The following LMF1 variants were observed in gnomAD, a reference collection of about 807,000 sequenced individuals.
LMF1 encodes transmembrane protein 112.
LMF1 carries 68 observed loss-of-function variants against 60.6 expected under a neutral mutation model. The ratio of observed to expected loss-of-function variants is 1.12; its 90% CI spans 0.92 to 1.37. The LOEUF (loss-of-function observed/expected upper bound fraction) is 1.37. Ranked by LOEUF, LMF1 falls within the 40% of genes most tolerant of loss-of-function variation. The pLI is 0.00. For synonymous variants in LMF1, 418 were observed against 324.7 expected, an observed-to-expected ratio of 1.29 and a Z score of -3.09; for missense variants, 948 against 767.2, an observed-to-expected ratio of 1.24 and a Z score of -2.78.
In LMF1 at chr16:854,407, T is replaced by A; in HGVS notation, c.*125A>T. The A allele has an allele frequency of 1.0e-6, 1 of 986,436 alleles. No individual in the cohort carries two copies. The allele number at this position is 986,436 out of a possible 1,614,324, so 61.1% of individuals were successfully genotyped here. A position where few individuals can be genotyped will look rare whatever the true frequency, so the allele number is the denominator to read the frequency against. On this transcript the variant is annotated 3_prime_UTR_variant, in exon 11 of 11. Coordinates refer to ENST00000262301, the MANE Select transcript of LMF1 (RefSeq NM_022773.4). ...CACCCTGGACCCCCGTGCTGGGGGC[T>A]GGGTCCCACCGCTCTCCTCTCCACG...
rs182119856 is a variant in LMF1 at position 922,301 on chromosome 16, G to A, written c.515-11222C>T. Among the ~76,000 whole-genome samples, 17 of 152,324 alleles carry A rather than the reference G, an allele frequency of 1.1e-4. No homozygotes were observed. In the East Asian group the frequency reaches 3.3e-3, roughly 29 times the overall value. On this transcript the variant is annotated intron_variant, in intron 3 of 10. Transcript: ENST00000262301. Reference sequence around the variant, plus strand: ...GGGAGAAGGCAGCCACCTCCCGAGGGGGGCCACAGAGGGGGTTCTGATCCA... The same window carrying A: ...GGGAGAAGGCAGCCACCTCCCGAGGAGGGCCACAGAGGGGGTTCTGATCCA...
chr16:945,217 A>G (rs986502335), intron 2 of LMF1, among the ~76,000 whole-genome samples: 5 of 148,664 alleles, frequency 3.4e-5, no homozygotes, highest in African/African-American at 1.0e-4. Context: ...ATCTCAAAAA[A>G]AAAAAAAAAA....
chr16:892,869 A>C, intron 5 of LMF1, 138 bp downstream of exon 5: 24 of 610,510 alleles, frequency 3.9e-5, no homozygotes, highest in Middle Eastern at 4.5e-4. Flanking sequence ...GAAGGGAGGG[A>C]GAGGACGTCC....
chr16:872,577 T>C (rs11867145), intron 6 of LMF1: 20,599 of 152,338 alleles, frequency 0.14, 4,332 homozygotes, highest in African/African-American at 0.45. Context: ...TCCCCTCCGC[T>C]GGTCCAGACC....
intron 5 of LMF1, among the ~76,000 whole-genome samples, chr16:891,172 C>T (rs531013814): frequency 3.2e-4 from 48 of 152,336 alleles, no homozygotes; most frequent in Non-Finnish European, 5.0e-4. Flanking sequence ...TGGGCCCCCC[C>T]GGCCCGCCTC....
chr16:939,403 G>C (rs913205601), intron 2 of LMF1, among the ~76,000 whole-genome samples: 1 of 152,206 alleles, frequency 6.6e-6, no homozygotes, highest in African/African-American at 2.4e-5. Flanking sequence ...GGCCACCGAG[G>C]TGCCACTTCC....
intron 3 of LMF1, among the ~76,000 whole-genome samples, chr16:923,026 GC>G (rs2071485967): frequency 7.8e-6 from 1 of 128,888 alleles, no homozygotes; most frequent in African/African-American, 3.1e-5. Context: ...TGTTGCGAAG[GC>G]CCTGTGTGAA....
chr16:976,087 C>T (rs1022283216), intron 1 of LMF1: 4 of 423,154 alleles, frequency 9.5e-6, no homozygotes, highest in South Asian at 3.3e-5. Flanking sequence ...TGGGTACAAA[C>T]GCTGATTTTT....
intron 5 of LMF1, among the ~76,000 whole-genome samples, chr16:882,877 A>G (rs2070202308): frequency 7.0e-6 from 1 of 143,490 alleles, no homozygotes. Flanking sequence ...GGACCAGGAG[A>G]AAGAGGAGCC....
chr16:921,640 T>C (rs1036813671), intron 3 of LMF1, among the ~76,000 whole-genome samples: 2 of 152,166 alleles, frequency 1.3e-5, no homozygotes, highest in Admixed American at 6.5e-5. Flanking sequence ...AAGTTCTTTA[T>C]GGAGGGAAAG....
At chr16:919,879 C>T (rs1457393885) in intron 3 of LMF1, among the ~76,000 whole-genome samples, 8 of 152,128 alleles carry the variant, frequency 5.3e-5, no homozygotes, top group Non-Finnish European at 8.8e-5. Context: ...AGCTCCGCCC[C>T]GGGACCCCCT....
At position 868,954 on chromosome 16, in the gene LMF1, G is replaced by A; in HGVS notation, c.1519C>T (p.Pro507Ser). The change falls in exon 10 of 11, where the codon CCC (proline) becomes TCC (serine). Residue 507 changes from proline to serine, a missense_variant. Coordinates refer to ENST00000262301, the MANE Select transcript of LMF1 (RefSeq NM_022773.4). ...GGGAGGGCATCCTACCTGGGCGGGG[G>A]CCTGCCCGCGAAGGGGTTGTGTGCC... ...LLAHNPFAGR[P>S]PPRWVRGEHY... is the part of the protein sequence containing the mutation. 1 of 1,608,866 alleles carries A rather than the reference G, an allele frequency of 6.2e-7. No individual in the cohort carries two copies. The highest frequency in any genetic ancestry group is 8.5e-7 in the Non-Finnish European group (1 of 1,177,330).
intron 10 of LMF1, among the ~76,000 whole-genome samples, chr16:863,928 G>A (rs1396833749): frequency 6.6e-6 from 1 of 152,224 alleles, no homozygotes; most frequent in Non-Finnish European, 1.5e-5. Context: ...ATGTCATTCA[G>A]TGCAATGGGT....
chr16:893,788 C>A (rs1444271938), intron 4 of LMF1, among the ~76,000 whole-genome samples: 1 of 152,094 alleles, frequency 6.6e-6, no homozygotes, highest in Non-Finnish European at 1.5e-5. Context: ...GATTCCTTCA[C>A]AAGTCAGAAA....
chr16:913,300 C>T (rs1312407423), intron 3 of LMF1, among the ~76,000 whole-genome samples: 9 of 152,206 alleles, frequency 5.9e-5, no homozygotes, highest in South Asian at 2.1e-4. Context: ...GCCTGGGTAA[C>T]GGGGCAGTAG....
intron 5 of LMF1, among the ~76,000 whole-genome samples, chr16:889,701 G>C (rs149588353): frequency 2.0e-5 from 3 of 152,340 alleles, no homozygotes; most frequent in African/African-American, 7.2e-5. Context: ...GTGGGGCAGA[G>C]GGCACGGCTC....
intron 2 of LMF1, among the ~76,000 whole-genome samples, chr16:940,220 G>A (rs1174965106): frequency 1.3e-5 from 2 of 152,204 alleles, no homozygotes; most frequent in African/African-American, 4.8e-5. Context: ...CCGACACCCT[G>A]ATTTCGGACT....
intron 4 of LMF1, among the ~76,000 whole-genome samples, chr16:904,421 C>T (rs75429173): frequency 7.7e-4 from 69 of 89,310 alleles, no homozygotes; most frequent in African/African-American, 2.4e-3. Flanking sequence ...GTCTCTGCTG[C>T]GTGGTGGTGA....
chr16:911,137 A>C (rs759224803), intron 3 of LMF1, 58 bp from the exon 4 acceptor site: 2 of 1,562,092 alleles, frequency 1.3e-6, no homozygotes, highest in East Asian at 4.7e-5. Flanking sequence ...TTCACAAAGA[A>C]ATCATTTCAG....
Sources: gnomAD v4.1 joint callset for allele counts (sites outside exome capture counted in the v4.1 genomes callset) on GRCh38, gnomAD v4.1.1 for gene constraint, MANE v1.5 for transcripts, NCBI Gene and HGNC (gene_info 2026-07-23, HGNC 2026-07-21) for gene names.